Variants in PLEKHM3 observed in about 807,000 individuals in gnomAD.
PLEKHM3 encodes pleckstrin homology domain-containing family M member 3.
PLEKHM3 carries 45 observed loss-of-function variants against 81.8 expected under a neutral mutation model. The observed-to-expected ratio is 0.55, with a 90% CI of 0.43 to 0.71. The LOEUF (loss-of-function observed/expected upper bound fraction) is 0.71, where lower values mean the gene tolerates loss of function less well. Among genes scored for constraint, PLEKHM3 ranks in the 30% least tolerant of loss-of-function variants. The pLI, the probability that PLEKHM3 is intolerant of heterozygous loss-of-function variation, is 0.00. For missense variants in PLEKHM3, 788 were observed against 924.3 expected, an observed-to-expected ratio of 0.85 and a Z score of 1.91; for synonymous variants, 352 against 356.4, an observed-to-expected ratio of 0.99 and a Z score of 0.14.
At chr2:207,844,035 A>G (rs1267672186) in intron 7 of PLEKHM3, among the ~76,000 whole-genome samples, 1 of 152,042 alleles carries the variant, frequency 6.6e-6, no homozygotes, top group Non-Finnish European at 1.5e-5. Context: ...GTGAGCCCTG[A>G]TAGTGCCACT....
Position 207,827,985 on chromosome 2 carries a change from A to G in PLEKHM3, c.*334T>C, listed in dbSNP as rs73983606. On this transcript the variant is annotated 3_prime_UTR_variant, in exon 8 of 8. Transcript: ENST00000427836. ...CTTGGGTAATAAAATGTACCGAGAG[A>G]CAGAGAGAAAAAAAAAGTCTGAACT... The G allele has an allele frequency of 5.0e-3, 817 of 164,280 alleles. 8 individuals are homozygous for G. The highest frequency in any genetic ancestry group is 0.018 in the African/African-American group (772 of 42,060). 10.2% of individuals were successfully genotyped at this position (164,280 alleles called of 1,614,324 possible).
intron 3 of PLEKHM3, among the ~76,000 whole-genome samples, chr2:207,952,443 A>G (rs575848479): frequency 6.6e-6 from 1 of 152,352 alleles, no homozygotes; most frequent in East Asian, 1.9e-4. Context: ...TGCAGGTTCA[A>G]GGACTTGCTA....
intron 5 of PLEKHM3, among the ~76,000 whole-genome samples, chr2:207,916,804 C>T (rs1022402508): frequency 6.6e-6 from 1 of 152,066 alleles, no homozygotes; most frequent in Non-Finnish European, 1.5e-5. Context: ...CATTTCATCT[C>T]AGAATAAGAG....
chr2:207,920,653 A>ATTTTTTTTTTTTTTTTTT (rs58599860), intron 5 of PLEKHM3, among the ~76,000 whole-genome samples: 1 of 138,946 alleles, frequency 7.2e-6, no homozygotes. Context: ...CAGTTTGCCT[A>ATTTTTTTTTTTTTTTTTT]TTTTTTTTTT....
At chr2:207,994,009 A>G (rs1251919671) in intron 2 of PLEKHM3, among the ~76,000 whole-genome samples, 1 of 152,190 alleles carries the variant, frequency 6.6e-6, no homozygotes, top group Non-Finnish European at 1.5e-5. Context: ...GGGTCAATTC[A>G]AATACATCCT....
intron 2 of PLEKHM3, among the ~76,000 whole-genome samples, chr2:207,991,474 C>T (rs1691898254): frequency 6.6e-6 from 1 of 152,134 alleles, no homozygotes; most frequent in Non-Finnish European, 1.5e-5. Context: ...CTCTCCCCTG[C>T]CCTGTAAAAA....
At chr2:207,885,830 A>G (rs900573790) in intron 6 of PLEKHM3, among the ~76,000 whole-genome samples, 6 of 152,250 alleles carry the variant, frequency 3.9e-5, no homozygotes, top group African/African-American at 1.4e-4. Context: ...AATAGACATA[A>G]GAGAGTTTCA....
chr2:207,942,057 A>G (rs1689955501), intron 4 of PLEKHM3, among the ~76,000 whole-genome samples: 1 of 152,240 alleles, frequency 6.6e-6, no homozygotes, highest in African/African-American at 2.4e-5. Context: ...GGAAAACAGT[A>G]TGGGAGTTCT....
At chr2:207,991,529 T>G (rs1691899474) in intron 2 of PLEKHM3, among the ~76,000 whole-genome samples, 1 of 152,168 alleles carries the variant, frequency 6.6e-6, no homozygotes, top group Non-Finnish European at 1.5e-5. Flanking sequence ...CTATTTTCCT[T>G]TGCCAGAGAT....
chr2:207,983,022 GT>G (rs1226905060), intron 2 of PLEKHM3, among the ~76,000 whole-genome samples: 2 of 150,432 alleles, frequency 1.3e-5, no homozygotes, highest in Non-Finnish European at 3.0e-5. Flanking sequence ...TATTAATAAA[GT>G]TTTGGGGGAG....
intron 7 of PLEKHM3, among the ~76,000 whole-genome samples, chr2:207,838,609 T>A (rs983177290): frequency 6.6e-6 from 1 of 152,212 alleles, no homozygotes. Context: ...AGTATGTGTA[T>A]AAAATTATAA....
intron 1 of PLEKHM3, among the ~76,000 whole-genome samples, chr2:208,011,680 TTGCACCAAA>T (rs1692697299): frequency 6.6e-6 from 1 of 151,796 alleles, no homozygotes; most frequent in Non-Finnish European, 1.5e-5. Context: ...TGGGGGATGG[TTGCACCAAA>T]ATCTCACAAG....
chr2:207,830,908 C>A (rs771574800), intron 7 of PLEKHM3, among the ~76,000 whole-genome samples: 4 of 152,196 alleles, frequency 2.6e-5, no homozygotes, highest in Non-Finnish European at 5.9e-5. Context: ...TCTAAGCCAC[C>A]CAGTCTGTGG....
chr2:207,960,991 G>C (rs1342680639), intron 3 of PLEKHM3, among the ~76,000 whole-genome samples: 1 of 152,168 alleles, frequency 6.6e-6, no homozygotes, highest in Non-Finnish European at 1.5e-5. Flanking sequence ...TCTAACATTT[G>C]AATTGTACAT....
At chr2:207,842,602 G>C (rs10165148) in intron 7 of PLEKHM3, among the ~76,000 whole-genome samples, 48,701 of 151,250 alleles carry the variant, frequency 0.32, 7,971 homozygotes, top group Middle Eastern at 0.37. Flanking sequence ...AAGAAGGAGG[G>C]AAGGCCTGAA....
intron 6 of PLEKHM3, among the ~76,000 whole-genome samples, chr2:207,896,061 T>C (rs888910222): frequency 1.3e-5 from 2 of 152,226 alleles, no homozygotes; most frequent in Admixed American, 1.3e-4. Flanking sequence ...GCCTGGATAC[T>C]TCGTGCAAAC....
In PLEKHM3 at chr2:207,896,683, G is replaced by A. The variant is rs528004319; in HGVS notation, c.1950+11831C>T. 5.3e-5 allele frequency among the ~76,000 whole-genome samples: 8 copies of A among 152,304 alleles called. No individual in the cohort carries two copies. In the South Asian group the frequency reaches 1.7e-3, roughly 32 times the overall value. The stretch of plus-strand genomic sequence containing the variant: ...AGCTAGAAAGCCAATTACATTCACA[G>A]CAGGGCCTCTCCCCTACTGCAAGGG... On this transcript the variant is annotated intron_variant, in intron 6 of 7. Coordinates refer to ENST00000427836, the MANE Select transcript of PLEKHM3 (RefSeq NM_001080475.3).
chr2:207,871,903 G>C (rs1489813044), intron 6 of PLEKHM3, among the ~76,000 whole-genome samples: 1 of 152,174 alleles, frequency 6.6e-6, no homozygotes, highest in Non-Finnish European at 1.5e-5. Flanking sequence ...TGTTGAGTTA[G>C]TTACATGTTT....
At chr2:207,890,363 C>T (rs1206553333) in intron 6 of PLEKHM3, among the ~76,000 whole-genome samples, 1 of 152,130 alleles carries the variant, frequency 6.6e-6, no homozygotes, top group African/African-American at 2.4e-5. Context: ...CATGGTAGCT[C>T]ACGCCTGTAA....
Sources: allele counts gnomAD v4.1 joint callset (sites outside exome capture counted in the v4.1 genomes callset), GRCh38; gene constraint gnomAD v4.1.1; transcripts MANE v1.5; gene names NCBI Gene and HGNC (gene_info 2026-07-23, HGNC 2026-07-21).